The following PCID2 variants were observed in gnomAD, a reference collection of about 807,000 sequenced individuals.
PCID2 encodes the protein PCI domain-containing protein 2.
PCID2 carries 41 observed loss-of-function variants against 61.3 expected under a neutral mutation model. The ratio of observed to expected loss-of-function variants is 0.67; its 90% CI spans 0.52 to 0.87. PCID2 has a LOEUF of 0.87. PCID2 is among the 40% of genes least tolerant of loss of function. The pLI is 0.00. For synonymous variants in PCID2, 187 were observed against 177.8 expected (o/e 1.05, Z -0.41); for missense variants, 392 against 493.4 (o/e 0.79, Z 1.95).
intron 1 of PCID2, 155 bp downstream of exon 1, chr13:113,208,444 G>A: frequency 1.3e-6 from 2 of 1,517,862 alleles, no homozygotes; most frequent in South Asian, 2.4e-5. Flanking sequence ...CCCGGCCGCC[G>A]CTGTTCGGCT....
chr13:113,179,174 G>A lies in PCID2; in HGVS notation c.987-85C>T, dbSNP rs2297186. The stretch of plus-strand genomic sequence containing the variant: ...AAGAAAAGGCACCTCTTAATAAGCC[G>A]GTGTTCTAAAGGAGTAAAAAAATTC... On this transcript the variant is annotated intron_variant, in intron 12 of 13. Transcript: ENST00000337344. The surrounding 1 kb of genome is among the most constrained non-coding windows in gnomAD (Gnocchi z 4.3). The A allele has an allele frequency of 0.01, 13,133 of 1,282,740 alleles. 985 individuals carry two copies. The East Asian group carries it at 0.19, about 18-fold the overall frequency. The allele number at this position is 1,282,740 out of a possible 1,614,324, so 79.5% of individuals were successfully genotyped here.
chr13:113,184,016 A>G (rs2037877954), intron 9 of PCID2: 1 of 985,050 alleles, frequency 1.0e-6, no homozygotes, highest in Non-Finnish European at 1.2e-6. Context: ...TCCTATGTCA[A>G]CATAACCAGC....
intron 1 of PCID2, among the ~76,000 whole-genome samples, chr13:113,207,848 A>G (rs1257831445): frequency 1.3e-5 from 2 of 152,146 alleles, no homozygotes; most frequent in East Asian, 3.9e-4. Flanking sequence ...CAGCCCACCC[A>G]TTCTTATTCA....
chr13:113,204,450 G>A (rs573014122), intron 1 of PCID2, among the ~76,000 whole-genome samples: 1 of 152,336 alleles, frequency 6.6e-6, no homozygotes, highest in East Asian at 1.9e-4. Flanking sequence ...TCCAAGGAGA[G>A]GCGGAGACCC....
At chr13:113,184,765 C>T (rs987380549) in intron 8 of PCID2, among the ~76,000 whole-genome samples, 9 of 150,024 alleles carry the variant, frequency 6.0e-5, no homozygotes, top group Admixed American at 5.3e-4. Flanking sequence ...AGTGGGAAGC[C>T]GTTCCAGGGG....
chr13:113,205,374 A>C (rs1179607254), intron 1 of PCID2, among the ~76,000 whole-genome samples: 1 of 152,258 alleles, frequency 6.6e-6, no homozygotes, highest in African/African-American at 2.4e-5. Flanking sequence ...GAAAAAAACA[A>C]GCATTGACAA....
downstream of PCID2, among the ~76,000 whole-genome samples, chr13:113,174,208 A>C (rs1421525588): frequency 6.6e-6 from 1 of 151,672 alleles, no homozygotes; most frequent in Non-Finnish European, 1.5e-5. Context: ...ACTGCACTCC[A>C]GCCTGGGCAA....
At position 113,179,605 on chromosome 13, in the gene PCID2, G is replaced by A. The variant is rs1051161906; in HGVS notation, c.986+312C>T. ...TTGGTCAGCACTAAGGGAGGGGAGTGAGTGGCGAGTCCTGTGTGCTCTGAT... is the reference window on the plus strand; with the variant it reads ...TTGGTCAGCACTAAGGGAGGGGAGTAAGTGGCGAGTCCTGTGTGCTCTGAT... On this transcript the variant is annotated intron_variant, in intron 12 of 13. Transcript: ENST00000337344. The surrounding 1 kb of genome is among the most constrained non-coding windows in gnomAD (Gnocchi z 4.3). 1.3e-5 allele frequency among the ~76,000 whole-genome samples: 2 copies of A among 152,202 alleles called. No homozygotes were observed. The highest frequency in any genetic ancestry group is 4.8e-5 in the African/African-American group (2 of 41,448).
At chr13:113,199,542 C>T (rs1371779006) in intron 2 of PCID2, among the ~76,000 whole-genome samples, 1 of 152,150 alleles carries the variant, frequency 6.6e-6, no homozygotes, top group African/African-American at 2.4e-5. Flanking sequence ...AATGAAACCA[C>T]CGAAAGAAAG....
chr13:113,184,968 T>C (rs566745091), intron 8 of PCID2, among the ~76,000 whole-genome samples: 4 of 152,394 alleles, frequency 2.6e-5, no homozygotes, highest in Admixed American at 2.0e-4. Context: ...CCTGTGCTTA[T>C]GCAGCACCGG....
chr13:113,185,744 C>G, intron 7 of PCID2, 184 bp from the exon 8 acceptor site: 1 of 478,602 alleles, frequency 2.1e-6, no homozygotes, highest in Non-Finnish European at 3.7e-6. Context: ...AAAAAGATGT[C>G]TTACCTGATG....
At chr13:113,176,404 G>C (rs9577211), downstream of PCID2, among the ~76,000 whole-genome samples, 7,473 of 57,806 alleles carry the variant, frequency 0.13, 1,005 homozygotes, top group East Asian at 0.58. Context: ...AGGTCTTCAG[G>C]GGGTAACTAA....
intron 1 of PCID2, among the ~76,000 whole-genome samples, chr13:113,207,386 G>A (rs1265794792): frequency 2.6e-5 from 4 of 152,134 alleles, no homozygotes; most frequent in African/African-American, 7.2e-5. Flanking sequence ...AAAGATAATC[G>A]TATCAAATTG....
chr13:113,170,928 C>CTT, the PCID2 span, among the ~76,000 whole-genome samples: 2 of 146,568 alleles, frequency 1.4e-5, no homozygotes, highest in East Asian at 2.0e-4. Flanking sequence ...CTATTTCTTT[C>CTT]TTTTTTTTTT....
Position 113,184,495 on chromosome 13 carries a change from G to C in PCID2, c.544-8C>G. The C allele has an allele frequency of 1.3e-6, 2 of 1,517,606 alleles. No individual in the cohort carries two copies. Among genetic ancestry groups the C allele is most frequent in the Non-Finnish European group, 1.8e-6 (2 of 1,094,506 alleles). The allele number at this position is 1,517,606 out of a possible 1,614,324, so 94.0% of individuals were successfully genotyped here. A position where few individuals can be genotyped will look rare whatever the true frequency, so the allele number is the denominator to read the frequency against. ...TAAATGGAGTTTGTTGATCTATAATGAATAACAATCCATTTAAAATATTTA... is the reference window on the plus strand; with the variant it reads ...TAAATGGAGTTTGTTGATCTATAATCAATAACAATCCATTTAAAATATTTA... On this transcript the variant is annotated splice_polypyrimidine_tract_variant and splice_region_variant and intron_variant, in intron 8 of 13. Coordinates refer to ENST00000337344, the MANE Select transcript of PCID2 (RefSeq NM_001127202.4).
intron 5 of PCID2, 33 bp from the exon 6 acceptor site, chr13:113,195,158 G>A (rs766188978): frequency 7.1e-7 from 1 of 1,400,672 alleles, no homozygotes; most frequent in Admixed American, 1.7e-5. Context: ...AGTGTGAGGG[G>A]CTACGTGGGC....
intron 13 of PCID2, among the ~76,000 whole-genome samples, 181 bp downstream of exon 13, chr13:113,178,785 G>A (rs1595142295): frequency 6.6e-6 from 1 of 152,234 alleles, no homozygotes; most frequent in East Asian, 1.9e-4. Flanking sequence ...ACATACAAGA[G>A]TATCCGTCCC....
intron 1 of PCID2, chr13:113,208,137 C>T (rs2040065227): frequency 6.2e-7 from 1 of 1,605,764 alleles, no homozygotes; most frequent in South Asian, 1.1e-5. Context: ...CGAGCCCGGC[C>T]TGCAGCACGG....
intron 1 of PCID2, chr13:113,208,380 CGCCCG>C (rs2040106977): frequency 7.0e-7 from 1 of 1,436,500 alleles, no homozygotes; most frequent in Admixed American, 2.8e-5. Context: ...CCACGGACAC[CGCCCG>C]GCCCCCACGG....
Sources: gnomAD v4.1 joint callset for allele counts (sites outside exome capture counted in the v4.1 genomes callset) on GRCh38, gnomAD v4.1.1 for gene constraint, Gnocchi (gnomAD v3.1) non-coding constraint, MANE v1.5 for transcripts, NCBI Gene and HGNC (gene_info 2026-07-23, HGNC 2026-07-21) for gene names.